CSMD1: variants seen among roughly 807,000 people sequenced by gnomAD.
CSMD1 encodes CUB and Sushi multiple domains 1.
A neutral mutation model predicts 417.5 loss-of-function variants in CSMD1; 213 were observed. The observed-to-expected ratio is 0.51, with a 90% CI of 0.46 to 0.57. The LOEUF is 0.57. Ranked by LOEUF, CSMD1 falls within the 20% of genes least tolerant of loss-of-function variation. The pLI, the probability that CSMD1 is intolerant of heterozygous loss-of-function variation, is 0.00. For synonymous variants in CSMD1, 2,862 were observed against 1,736.8 expected (o/e 1.65, Z -16.11); for missense variants, 6,923 against 4,529.7 (o/e 1.53, Z -15.17).
At chr8:3,141,837 G>T (rs562452949) in intron 41 of CSMD1, among the ~76,000 whole-genome samples, 18 of 145,934 alleles carry the variant, frequency 1.2e-4, no homozygotes, top group African/African-American at 4.6e-4. Context: ...TGGCTCTGTC[G>T]CCCAGGCTGG....
chr8:3,708,908 T>C (rs1801334017), intron 6 of CSMD1, among the ~76,000 whole-genome samples: 3 of 152,172 alleles, frequency 2.0e-5, no homozygotes, highest in Admixed American at 6.5e-5. Flanking sequence ...AAAAGGCCAG[T>C]TGCTCATTCA....
chr8:4,554,970 G>C (rs1300266764), intron 2 of CSMD1, among the ~76,000 whole-genome samples: 1 of 152,176 alleles, frequency 6.6e-6, no homozygotes, highest in Non-Finnish European at 1.5e-5. Flanking sequence ...TGCTGGAGGG[G>C]CCACCAGGGC....
At chr8:3,451,097 G>T (rs538813616) in intron 12 of CSMD1, among the ~76,000 whole-genome samples, 1 of 152,244 alleles carries the variant, frequency 6.6e-6, no homozygotes, top group African/African-American at 2.4e-5. Context: ...GTCTCTTTTG[G>T]CTGCATAAAT....
chr8:4,602,170 T>C (rs1014187350), intron 2 of CSMD1, among the ~76,000 whole-genome samples: 1 of 152,188 alleles, frequency 6.6e-6, no homozygotes, highest in Non-Finnish European at 1.5e-5. Context: ...ATGTAAAAAA[T>C]TAATTCCCTT....
chr8:4,104,323 G>A (rs181156770), intron 3 of CSMD1, among the ~76,000 whole-genome samples: 1 of 152,138 alleles, frequency 6.6e-6, no homozygotes, highest in African/African-American at 2.4e-5. Flanking sequence ...TTCTCCACAT[G>A]AGTGCTTAGA....
intron 3 of CSMD1, among the ~76,000 whole-genome samples, chr8:4,327,273 C>T (rs117438313): frequency 6.6e-6 from 1 of 152,128 alleles, no homozygotes; most frequent in Non-Finnish European, 1.5e-5. Context: ...CAGTCAATTG[C>T]TCTTTAAGTA....
At chr8:4,439,579 T>G (rs1483481037) in intron 2 of CSMD1, among the ~76,000 whole-genome samples, 1 of 151,378 alleles carries the variant, frequency 6.6e-6, no homozygotes, top group Non-Finnish European at 1.5e-5. Context: ...AAATACATAT[T>G]TCTTTATTAT....
At chr8:3,798,199 A>G (rs1232330447) in intron 5 of CSMD1, among the ~76,000 whole-genome samples, 2 of 152,036 alleles carry the variant, frequency 1.3e-5, no homozygotes, top group Non-Finnish European at 2.9e-5. Flanking sequence ...TTTCCGCTAC[A>G]GAGTTCATTT....
At chr8:4,885,222 G>A (rs1803659532) in intron 1 of CSMD1, among the ~76,000 whole-genome samples, 1 of 151,996 alleles carries the variant, frequency 6.6e-6, no homozygotes, top group African/African-American at 2.4e-5. Context: ...AGATATAATA[G>A]TTTTTTAATC....
intron 11 of CSMD1, among the ~76,000 whole-genome samples, chr8:3,491,694 A>G (rs575736333): frequency 2.6e-5 from 4 of 152,298 alleles, no homozygotes; most frequent in East Asian, 3.9e-4. Flanking sequence ...TGCTTTTTCA[A>G]TGTGTGAATT....
At chr8:3,271,060 C>T (rs573200252) in intron 26 of CSMD1, among the ~76,000 whole-genome samples, 89 of 149,846 alleles carry the variant, frequency 5.9e-4, no homozygotes, top group Non-Finnish European at 1.1e-3. Context: ...GTATATCTCC[C>T]AATGCTGTCC....
chr8:3,433,455 T>A (rs997755901), intron 12 of CSMD1, among the ~76,000 whole-genome samples: 6 of 152,240 alleles, frequency 3.9e-5, no homozygotes, highest in Non-Finnish European at 5.9e-5. Flanking sequence ...ATTTTTTCTT[T>A]ATTTGTGGTT....
chr8:3,040,691 C>T (rs1475857340), intron 50 of CSMD1, among the ~76,000 whole-genome samples: 2 of 151,742 alleles, frequency 1.3e-5, no homozygotes, highest in African/African-American at 4.8e-5. Flanking sequence ...TAATCCCAGC[C>T]ACTCGGGAGG....
In CSMD1 at chr8:3,998,006, G is replaced by A; in HGVS notation, c.715C>T (p.Leu239=). Residue 239 remains leucine (L), a synonymous_variant, in exon 5 of 70, where the codon CTG becomes TTG. Coordinates refer to ENST00000635120, the MANE Select transcript of CSMD1 (RefSeq NM_033225.6). ...ENNADCTWTI[L]AEPGDTIALV... ...GCAATGGTGTCCCCGGGCTCAGCCAGAATGGTCCAGGTGCAGTCCGCGTTG... is the reference window on the plus strand; with the variant it reads ...GCAATGGTGTCCCCGGGCTCAGCCAAAATGGTCCAGGTGCAGTCCGCGTTG... 1 of 1,609,410 alleles carries A rather than the reference G, an allele frequency of 6.2e-7. No individual in the cohort carries two copies. Among genetic ancestry groups the A allele is most frequent in the Non-Finnish European group, 8.5e-7 (1 of 1,177,698 alleles).
At chr8:3,920,988 T>C (rs1470680777) in intron 5 of CSMD1, among the ~76,000 whole-genome samples, 1 of 152,178 alleles carries the variant, frequency 6.6e-6, no homozygotes, top group Non-Finnish European at 1.5e-5. Context: ...CCTCATAAAA[T>C]AAGTTTGAAA....
chr8:4,129,973 G>C (rs1327330356), intron 3 of CSMD1, among the ~76,000 whole-genome samples: 1 of 151,936 alleles, frequency 6.6e-6, no homozygotes, highest in Non-Finnish European at 1.5e-5. Flanking sequence ...TTTCTTCCCA[G>C]TTGCTTTACC....
chr8:3,558,794 G>T (rs1799338014), intron 10 of CSMD1, among the ~76,000 whole-genome samples: 5 of 150,972 alleles, frequency 3.3e-5, no homozygotes, highest in Admixed American at 3.3e-4. Context: ...CTCCAATGAT[G>T]AATGGTGCCT....
At chr8:3,388,094 G>A (rs7008479) in intron 17 of CSMD1, among the ~76,000 whole-genome samples, 73,289 of 151,920 alleles carry the variant, frequency 0.48, 17,866 homozygotes, top group Middle Eastern at 0.52. Flanking sequence ...ATATATTCCA[G>A]TTAGATTTTG....
intron 7 of CSMD1, among the ~76,000 whole-genome samples, chr8:3,630,306 G>A (rs955075073): frequency 6.6e-6 from 1 of 152,164 alleles, no homozygotes; most frequent in African/African-American, 2.4e-5. Context: ...AAGATGGGCA[G>A]GAATTACCTA....
Sources: allele counts gnomAD v4.1 joint callset (sites outside exome capture counted in the v4.1 genomes callset), GRCh38; gene constraint gnomAD v4.1.1; transcripts MANE v1.5; gene names NCBI Gene and HGNC (gene_info 2026-07-23, HGNC 2026-07-21).